Variants in STK32B observed in about 807,000 individuals in gnomAD.
The protein encoded by STK32B is serine/threonine-protein kinase 32B.
In STK32B, 43 loss-of-function variants were observed where a neutral mutation model predicts 52.6. The ratio of observed to expected loss-of-function variants is 0.82; its 90% CI spans 0.64 to 1.05. The LOEUF (loss-of-function observed/expected upper bound fraction) is 1.05, where lower values mean the gene tolerates loss of function less well. Among genes scored for constraint, STK32B ranks in the 50% least tolerant of loss-of-function variants. The pLI, the probability that STK32B is intolerant of heterozygous loss-of-function variation, is 0.00. For missense variants in STK32B, 621 were observed against 534.6 expected (o/e 1.16, Z -1.59); for synonymous variants, 238 against 204.3 (o/e 1.17, Z -1.41).
chr4:5,442,203 G>A, intron 6 of STK32B, among the ~76,000 whole-genome samples: 1 of 138,078 alleles, frequency 7.2e-6, no homozygotes, highest in Admixed American at 7.5e-5. Context: ...TGACAGTGGG[G>A]TGTTAAAGTC....
chr4:5,235,472 G>A (rs564435094), intron 3 of STK32B, among the ~76,000 whole-genome samples: 66 of 152,278 alleles, frequency 4.3e-4, no homozygotes, highest in African/African-American at 1.5e-3. Flanking sequence ...TTAATATGTG[G>A]CAAGCACTTA....
intron 10 of STK32B, 25 bp downstream of exon 10, chr4:5,466,859 C>A (rs749438891): frequency 6.2e-7 from 1 of 1,607,032 alleles, no homozygotes; most frequent in Admixed American, 1.7e-5. Context: ...GGAGCCGTTC[C>A]GGGAGAGAAA....
intron 6 of STK32B, among the ~76,000 whole-genome samples, chr4:5,418,899 GT>G (rs1712395882): frequency 6.6e-6 from 1 of 152,222 alleles, no homozygotes; most frequent in African/African-American, 2.4e-5. Context: ...TTTGGACATG[GT>G]GGAGGGTTTG....
chr4:5,432,396 G>C (rs1392412604), intron 6 of STK32B: 1 of 152,302 alleles, frequency 6.6e-6, no homozygotes, highest in South Asian at 2.1e-4. Flanking sequence ...AATATAGCAT[G>C]ATAAGGAACT....
intron 3 of STK32B, among the ~76,000 whole-genome samples, chr4:5,187,455 G>A (rs1302679541): frequency 1.3e-5 from 2 of 152,142 alleles, no homozygotes; most frequent in Non-Finnish European, 2.9e-5. Context: ...TTACTGTCTC[G>A]TTTACAGCTG....
intron 6 of STK32B, among the ~76,000 whole-genome samples, chr4:5,418,560 G>A (rs935957473): frequency 1.3e-5 from 2 of 152,178 alleles, no homozygotes; most frequent in Admixed American, 6.5e-5. Flanking sequence ...GAAGAAGGAG[G>A]CCTTAGGAAG....
chr4:5,370,090 G>T lies in STK32B; in HGVS notation c.435-28117G>T, dbSNP rs1396905122. Among the ~76,000 whole-genome samples, 3 of 152,074 alleles carry T rather than the reference G, an allele frequency of 2.0e-5. No homozygotes were observed. In the South Asian group the frequency reaches 6.2e-4, roughly 32 times the overall value. ...GGGGTTTCACCATTTTGGTCAGGCT[G>T]TCTCGAACTCCTGACCTCAGGTGAT... is the stretch of plus-strand genomic sequence containing the variant. On this transcript the variant is annotated intron_variant, in intron 4 of 11. Coordinates refer to ENST00000282908, the MANE Select transcript of STK32B (RefSeq NM_018401.3).
chr4:5,348,302 C>T (rs754052057), intron 4 of STK32B, among the ~76,000 whole-genome samples: 2 of 152,118 alleles, frequency 1.3e-5, no homozygotes, highest in African/African-American at 4.8e-5. Context: ...AGAGGGAGTC[C>T]ATTCTGTGTC....
intron 4 of STK32B, among the ~76,000 whole-genome samples, chr4:5,368,866 T>A (rs1735044561): frequency 6.6e-6 from 1 of 152,206 alleles, no homozygotes; most frequent in African/African-American, 2.4e-5. Flanking sequence ...CCATGCCAGA[T>A]GCTGGGGCAG....
chr4:5,256,598 G>A lies in STK32B; in HGVS notation c.261-74622G>A, dbSNP rs116215699. 4.7e-3 allele frequency among the ~76,000 whole-genome samples: 719 copies of A among 152,304 alleles called. 7 individuals carry two copies. The highest frequency in any genetic ancestry group is 0.016 in the African/African-American group (664 of 41,574). ...GCCAGGTTTAAGCACCAGCTGCCCC[G>A]TCTGTCTAAATGCTCCTCCACTGCT... is the stretch of plus-strand genomic sequence containing the variant. On this transcript the variant is annotated intron_variant, in intron 3 of 11. Transcript: ENST00000282908.
chr4:5,034,071 G>C, the STK32B span, among the ~76,000 whole-genome samples: 1 of 152,222 alleles, frequency 6.6e-6, no homozygotes, highest in Non-Finnish European at 1.5e-5. Context: ...GAAAAAAGCA[G>C]ATTGAGAAAT....
At chr4:5,413,526 G>T (rs1312393665) in intron 5 of STK32B, among the ~76,000 whole-genome samples, 2 of 152,156 alleles carry the variant, frequency 1.3e-5, no homozygotes, top group African/African-American at 4.8e-5. Context: ...CAAAGACAAA[G>T]GATATCATTT....
intron 7 of STK32B, 58 bp from the exon 8 acceptor site, chr4:5,456,749 C>T (rs538535294): frequency 8.6e-6 from 12 of 1,391,010 alleles, no homozygotes; most frequent in East Asian, 4.9e-5. Context: ...TCTTAAAATG[C>T]GGACGGTGCC....
At chr4:5,383,206 G>T (rs959700458) in intron 4 of STK32B, among the ~76,000 whole-genome samples, 34 of 152,030 alleles carry the variant, frequency 2.2e-4, no homozygotes, top group Non-Finnish European at 5.0e-4. Context: ...CAGCTGATCT[G>T]TGCCCACCGC....
rs1332626022 is a variant in STK32B, at chr4:5,469,368, C to G, written c.1106+1298C>G. Among the ~76,000 whole-genome samples, 1 of 152,230 alleles carries G rather than the reference C, an allele frequency of 6.6e-6. No individual in the cohort carries two copies. Among genetic ancestry groups the G allele is most frequent in the Non-Finnish European group, 1.5e-5 (1 of 68,038 alleles). On this transcript the variant is annotated intron_variant, in intron 11 of 11. Coordinates refer to ENST00000282908, the MANE Select transcript of STK32B (RefSeq NM_018401.3). The surrounding 1 kb of genome is among the most constrained non-coding windows in gnomAD (Gnocchi z 4.7). ...AGTGCATGTCACAGCAGACACCTGG[C>G]TCAGCCTGGGTGGTTGGGGAAGTTC...
intron 4 of STK32B, among the ~76,000 whole-genome samples, chr4:5,358,235 G>A (rs886905754): frequency 6.6e-6 from 1 of 152,206 alleles, no homozygotes; most frequent in Admixed American, 6.5e-5. Flanking sequence ...ATAGGGACTT[G>A]GGTCGTAAGT....
chr4:5,361,826 G>A (rs1354264011), intron 4 of STK32B, among the ~76,000 whole-genome samples: 1 of 152,218 alleles, frequency 6.6e-6, no homozygotes, highest in Non-Finnish European at 1.5e-5. Flanking sequence ...GGTATTCTAG[G>A]AGGGTAAAGA....
chr4:5,414,523 T>C (rs1225954344), intron 5 of STK32B, among the ~76,000 whole-genome samples: 2 of 152,172 alleles, frequency 1.3e-5, no homozygotes, highest in African/African-American at 2.4e-5. Context: ...ATGTCATAGA[T>C]AGACCTATGT....
At chr4:5,144,569 A>G (rs1443733044) in intron 2 of STK32B, among the ~76,000 whole-genome samples, 2 of 152,174 alleles carry the variant, frequency 1.3e-5, no homozygotes, top group Non-Finnish European at 2.9e-5. Context: ...ACCATGTGAC[A>G]TCTGTCACTG....
Sources: gnomAD v4.1 joint callset for allele counts (sites outside exome capture counted in the v4.1 genomes callset) on GRCh38, gnomAD v4.1.1 for gene constraint, Gnocchi (gnomAD v3.1) non-coding constraint, MANE v1.5 for transcripts, NCBI Gene and HGNC (gene_info 2026-07-23, HGNC 2026-07-21) for gene names.